The following ESR1 variants were observed in gnomAD, a reference collection of about 807,000 sequenced individuals.
ESR1 encodes estrogen receptor 1.
In ESR1, 12 loss-of-function variants were observed where a neutral mutation model predicts 52.7. The ratio of observed to expected loss-of-function variants is 0.23; its 90% CI spans 0.15 to 0.37. The LOEUF (loss-of-function observed/expected upper bound fraction) is 0.37, where lower values mean the gene tolerates loss of function less well. Ranked by LOEUF, ESR1 falls within the 10% of genes least tolerant of loss-of-function variation. The pLI, the probability that ESR1 is intolerant of heterozygous loss-of-function variation, is 1.00. For synonymous variants in ESR1, 305 were observed against 316.8 expected, an observed-to-expected ratio of 0.96 and a Z score of 0.39; for missense variants, 584 against 779.7, an observed-to-expected ratio of 0.75 and a Z score of 2.99.
chr6:151,869,089 C>T (rs1463478855), intron 2 of ESR1, among the ~76,000 whole-genome samples: 1 of 32,900 alleles, frequency 3.0e-5, no homozygotes. Context: ...TAAGCACAGT[C>T]CTGTTCAGGG....
chr6:152,122,250 C>T lies in ESR1; in HGVS notation c.851-3016C>T, dbSNP rs766338162. 281 of 847,872 alleles carry T rather than the reference C, an allele frequency of 3.3e-4. 1 individual carries two copies. Among genetic ancestry groups the T allele is most frequent in the Non-Finnish European group, 4.9e-4 (262 of 539,826 alleles). 52.5% of individuals were successfully genotyped at this position (847,872 alleles called of 1,614,324 possible). ...CAAACCTTCTTGTTGTCTGTTTGTT[C>T]CCCCGTCACTGTTTATCTTCCACCT... On this transcript the variant is annotated intron_variant, in intron 6 of 6. Coordinates refer to the ESR1 transcript ENST00000427531.
At chr6:151,924,881 T>C (rs1562554212) in intron 3 of ESR1, among the ~76,000 whole-genome samples, 1 of 152,214 alleles carries the variant, frequency 6.6e-6, no homozygotes, top group Non-Finnish European at 1.5e-5. Context: ...TTAGGTTGAT[T>C]CCATGTTTTT....
chr6:152,032,822 C>T (rs575813453), intron 5 of ESR1, among the ~76,000 whole-genome samples: 5 of 152,064 alleles, frequency 3.3e-5, no homozygotes, highest in African/African-American at 1.2e-4. Flanking sequence ...AAAAAGAGCC[C>T]GCATTGCCAA....
Position 152,081,745 on chromosome 6 carries a change from GA to G in ESR1, c.1370-12636del, listed in dbSNP as rs757198305. 8.6e-4 allele frequency among the ~76,000 whole-genome samples: 131 copies of G among 151,946 alleles called. No homozygotes were observed. The Middle Eastern group carries it at 0.014, about 16-fold the overall frequency. On this transcript the variant is annotated intron_variant, in intron 6 of 7. Coordinates refer to ENST00000206249, the MANE Select transcript of ESR1 (RefSeq NM_000125.4). ...GACCACTAGCAAGACTAATAAAGAA[GA>G]AAAGAGAGAAGAATCGAATAGATGC...
intron 1 of ESR1, among the ~76,000 whole-genome samples, chr6:151,839,909 T>C (rs150224879): frequency 7.2e-5 from 11 of 152,310 alleles, no homozygotes; most frequent in African/African-American, 2.6e-4. Flanking sequence ...TCTAACATGA[T>C]TGAATTGATG....
intron 5 of ESR1, among the ~76,000 whole-genome samples, chr6:152,054,935 A>G (rs1050553759): frequency 1.3e-5 from 2 of 152,240 alleles, no homozygotes; most frequent in African/African-American, 4.8e-5. Context: ...GACATTTCTT[A>G]TAGCCCTTTG....
chr6:151,753,379 G>T (rs904996934), intron 2 of ESR1, among the ~76,000 whole-genome samples: 1 of 149,672 alleles, frequency 6.7e-6, no homozygotes, highest in Admixed American at 6.7e-5. Flanking sequence ...GTGCAGTGGC[G>T]TGATCTTGGC....
chr6:152,013,330 TAGACC>T (rs2128787513), intron 5 of ESR1, among the ~76,000 whole-genome samples: 1 of 152,286 alleles, frequency 6.6e-6, no homozygotes, highest in African/African-American at 2.4e-5. Flanking sequence ...ATGAAAATCT[TAGACC>T]ACACGTAACA....
rs186869189 is a variant in ESR1, at chr6:151,874,550, T to C, written c.644-6105T>C. Among the ~76,000 whole-genome samples, 28 of 152,298 alleles carry C rather than the reference T, an allele frequency of 1.8e-4. No individual in the cohort carries two copies. The East Asian group carries it at 4.4e-3, about 24-fold the overall frequency. On this transcript the variant is annotated intron_variant, in intron 2 of 7. Coordinates refer to ENST00000206249, the MANE Select transcript of ESR1 (RefSeq NM_000125.4). The stretch of plus-strand genomic sequence containing the variant: ...CACAGAATTGCATTATTGGGACAAA[T>C]TGATCTTCAAATTTGTAGGCTATGA...
At chr6:152,054,617 A>G (rs2046956526) in intron 5 of ESR1, among the ~76,000 whole-genome samples, 1 of 151,998 alleles carries the variant, frequency 6.6e-6, no homozygotes, top group African/African-American at 2.4e-5. Context: ...ATTATCTCCC[A>G]TTTCATCTCA....
intron 2 of ESR1, among the ~76,000 whole-genome samples, chr6:151,734,918 C>A (rs62442016): frequency 0.48 from 73,423 of 151,688 alleles, 19,213 homozygotes; most frequent in Non-Finnish European, 0.58. Flanking sequence ...CACCACCCCA[C>A]CTCCAACCTT....
At chr6:151,910,608 A>G (rs376181204) in intron 3 of ESR1, among the ~76,000 whole-genome samples, 3 of 152,306 alleles carry the variant, frequency 2.0e-5, no homozygotes, top group South Asian at 4.1e-4. Flanking sequence ...AAATTTTATC[A>G]GTATCTGTCT....
At chr6:152,008,469 T>G (rs1448889080) in intron 4 of ESR1, among the ~76,000 whole-genome samples, 6 of 152,156 alleles carry the variant, frequency 3.9e-5, no homozygotes, top group Non-Finnish European at 8.8e-5. Flanking sequence ...GTGGCACAAG[T>G]GCTTATGGGG....
intron 3 of ESR1, among the ~76,000 whole-genome samples, chr6:151,889,004 C>T (rs1490950693): frequency 6.6e-6 from 1 of 152,026 alleles, no homozygotes; most frequent in African/African-American, 2.4e-5. Context: ...TCGTTGCATC[C>T]CTGGGCAAAT....
chr6:151,702,523 A>C (rs1017095597), intron 2 of ESR1, among the ~76,000 whole-genome samples: 9 of 152,234 alleles, frequency 5.9e-5, no homozygotes, highest in Non-Finnish European at 1.3e-4. Context: ...AAATAGGGGA[A>C]TATCTTCAGA....
In ESR1 at chr6:152,061,276, TTCCTTATAAAGGTAGAACCATGCTAGC is replaced by T. The variant is rs2047520268; in HGVS notation, c.1369+153_1369+179del. The T allele has an allele frequency of 1.3e-6, 1 of 797,356 alleles. No individual in the cohort carries two copies. The highest frequency in any genetic ancestry group is 2.1e-6 in the Non-Finnish European group (1 of 477,426). The allele number at this position is 797,356 out of a possible 1,614,324, so 49.4% of individuals were successfully genotyped here. On this transcript the variant is annotated intron_variant, in intron 6 of 7. Transcript: ENST00000206249. The surrounding 1 kb of genome is among the most constrained non-coding windows in gnomAD (Gnocchi z 4.3). ...TAAAATAACCTACCAACATTGCAGA[TTCCTTATAAAGGTAGAACCATGCTAGC>T]CAAATAGACACATGAAAAATTGTAA... is the stretch of plus-strand genomic sequence containing the variant.
At chr6:152,074,927 A>T (rs2048617922) in intron 6 of ESR1, among the ~76,000 whole-genome samples, 1 of 152,032 alleles carries the variant, frequency 6.6e-6, no homozygotes, top group Non-Finnish European at 1.5e-5. Flanking sequence ...CCATTTTTTT[A>T]ATCAGGTTGT....
At chr6:152,120,483 G>A (rs148097794) in intron 6 of ESR1, among the ~76,000 whole-genome samples, 1 of 152,158 alleles carries the variant, frequency 6.6e-6, no homozygotes. Context: ...GAACACGATG[G>A]GTTCATGGGC....
chr6:152,102,769 CT>C lies in ESR1; in HGVS notation c.*3811del, dbSNP rs1240396879. On this transcript the variant is annotated 3_prime_UTR_variant, in exon 8 of 8. Coordinates refer to ENST00000206249, the MANE Select transcript of ESR1 (RefSeq NM_000125.4). ...TTGAGATTCAAGAAAAATTTCTATT[CT>C]TTTTTTTGCATCCAATTGTGCCTGA... The C allele has an allele frequency of 7.3e-5, 16 of 219,558 alleles. No individual in the cohort carries two copies. Among genetic ancestry groups the C allele is most frequent in the Non-Finnish European group, 8.2e-5 (9 of 109,236 alleles). The allele number at this position is 219,558 out of a possible 1,614,324, so 13.6% of individuals were successfully genotyped here.
Sources: allele counts gnomAD v4.1 joint callset (sites outside exome capture counted in the v4.1 genomes callset), GRCh38; gene constraint gnomAD v4.1.1; non-coding constraint Gnocchi (gnomAD v3.1); transcripts MANE v1.5; gene names NCBI Gene and HGNC (gene_info 2026-07-23, HGNC 2026-07-21).